The following MAGI2 variants were observed in gnomAD, a reference collection of about 807,000 sequenced individuals.
MAGI2 encodes membrane associated guanylate kinase, WW and PDZ domain containing 2.
In MAGI2, 35 loss-of-function variants were observed where a neutral mutation model predicts 133.3. The observed-to-expected ratio is 0.26, with a 90% CI of 0.20 to 0.35. The LOEUF (loss-of-function observed/expected upper bound fraction) is 0.35. MAGI2 is among the 10% of genes least tolerant of loss of function. The pLI is 1.00. For missense variants in MAGI2, 1,636 were observed against 1,863.4 expected (o/e 0.88, Z 2.25); for synonymous variants, 729 against 710.6 (o/e 1.03, Z -0.41).
At chr7:79,053,766 T>G (rs1371126401) in intron 1 of MAGI2, among the ~76,000 whole-genome samples, 2 of 152,162 alleles carry the variant, frequency 1.3e-5, no homozygotes, top group Non-Finnish European at 2.9e-5. Context: ...TAAGACAAAA[T>G]TATATTTATG....
intron 14 of MAGI2, among the ~76,000 whole-genome samples, chr7:78,174,304 GAACA>G (rs1374067230): frequency 1.3e-5 from 2 of 152,268 alleles, no homozygotes; most frequent in South Asian, 4.1e-4. Flanking sequence ...GTGTATTCCG[GAACA>G]AACAGAGAGC....
chr7:78,297,979 G>A (rs1215163602), intron 9 of MAGI2, among the ~76,000 whole-genome samples: 2 of 98,772 alleles, frequency 2.0e-5, no homozygotes, highest in East Asian at 4.3e-4. Context: ...AGAACTTAAA[G>A]TATAATTAAA....
At chr7:79,404,291 T>G (rs997631258) in intron 1 of MAGI2, among the ~76,000 whole-genome samples, 2 of 152,132 alleles carry the variant, frequency 1.3e-5, no homozygotes, top group African/African-American at 4.8e-5. Context: ...GTTCATAGGC[T>G]TCTGCATTAA....
intron 1 of MAGI2, among the ~76,000 whole-genome samples, chr7:79,259,627 A>G (rs1330406869): frequency 6.6e-6 from 1 of 152,194 alleles, no homozygotes; most frequent in Admixed American, 6.5e-5. Context: ...CAAGATAACA[A>G]TCTATGTGTA....
chr7:78,253,759 ATTAC>A (rs1792674646), intron 10 of MAGI2: 1 of 152,166 alleles, frequency 6.6e-6, no homozygotes. Context: ...CATGTACATT[ATTAC>A]TTTATAAATT....
chr7:78,346,378 G>C (rs1790906872), intron 7 of MAGI2, among the ~76,000 whole-genome samples: 1 of 152,188 alleles, frequency 6.6e-6, no homozygotes, highest in Non-Finnish European at 1.5e-5. Context: ...GTCAAGAAAT[G>C]AAATTTATAC....
chr7:79,387,462 T>C (rs1844273694), intron 1 of MAGI2, among the ~76,000 whole-genome samples: 3 of 152,090 alleles, frequency 2.0e-5, no homozygotes, highest in Admixed American at 1.3e-4. Flanking sequence ...GAAAGTAACA[T>C]TGTTTACTAT....
intron 1 of MAGI2, among the ~76,000 whole-genome samples, chr7:79,159,848 A>C (rs1342279018): frequency 1.3e-5 from 2 of 152,092 alleles, no homozygotes; most frequent in Non-Finnish European, 2.9e-5. Flanking sequence ...AAAAACAGGC[A>C]AATAAAGTAT....
At chr7:79,307,237 T>C (rs1340555051) in intron 1 of MAGI2, among the ~76,000 whole-genome samples, 3 of 152,202 alleles carry the variant, frequency 2.0e-5, no homozygotes, top group Non-Finnish European at 4.4e-5. Context: ...TATTAGCCAT[T>C]GTTCTCAAAA....
intron 3 of MAGI2, among the ~76,000 whole-genome samples, chr7:78,562,841 T>C (rs1010299881): frequency 3.9e-5 from 6 of 152,202 alleles, no homozygotes; most frequent in Non-Finnish European, 8.8e-5. Context: ...ATTCTTGGGA[T>C]TTATGTCTCT....
chr7:78,634,041 C>A (rs899907666), intron 2 of MAGI2, among the ~76,000 whole-genome samples: 1 of 152,038 alleles, frequency 6.6e-6, no homozygotes, highest in Non-Finnish European at 1.5e-5. Flanking sequence ...ATAATCAAAG[C>A]TTTAAATCAC....
chr7:78,594,363 T>A (rs1804363702), intron 3 of MAGI2, among the ~76,000 whole-genome samples: 1 of 152,244 alleles, frequency 6.6e-6, no homozygotes, highest in Admixed American at 6.5e-5. Context: ...CCAGTGACTT[T>A]ATACAAAGGC....
chr7:79,064,212 A>T (rs1297536680), intron 1 of MAGI2, among the ~76,000 whole-genome samples: 1 of 152,112 alleles, frequency 6.6e-6, no homozygotes, highest in Non-Finnish European at 1.5e-5. Context: ...CTGAAGATCT[A>T]GTGGTAAAAC....
intron 2 of MAGI2, among the ~76,000 whole-genome samples, chr7:78,709,954 A>T (rs12112639): frequency 0.098 from 14,978 of 152,116 alleles, 1,003 homozygotes; most frequent in East Asian, 0.2. Flanking sequence ...CAGTCTTTTC[A>T]TGACTCTTCT....
intron 15 of MAGI2, among the ~76,000 whole-genome samples, chr7:78,163,290 A>G (rs1178604938): frequency 6.6e-6 from 1 of 152,054 alleles, no homozygotes; most frequent in African/African-American, 2.4e-5. Context: ...GGCGTCCGCC[A>G]CCACGCCCGG....
At chr7:78,848,185 G>A (rs568529155) in intron 2 of MAGI2, among the ~76,000 whole-genome samples, 1 of 151,820 alleles carries the variant, frequency 6.6e-6, no homozygotes, top group African/African-American at 2.4e-5. Flanking sequence ...CAGAAAGTTT[G>A]ATTTGCCCTT....
chr7:78,019,860 C>T lies in MAGI2; in HGVS notation c.3823G>A (p.Asp1275Asn), dbSNP rs1808158534. Residue 1275 changes from aspartate to asparagine, a missense_variant, in exon 22 of 22, where the codon GAC becomes AAC. This residue lies in a region of MAGI2 where 354 missense variants were observed against 298.7 expected (regional missense o/e 1.19). Transcript: ENST00000354212. ...FSPSHPAPPS[D>N]PSHQISPGPT... Reference sequence around the variant, plus strand: ...CCTGGGCTTATCTGGTGGGAAGGGTCGGAGGGTGGGGCTGGATGTGATGGA... The same window carrying T: ...CCTGGGCTTATCTGGTGGGAAGGGTTGGAGGGTGGGGCTGGATGTGATGGA... The T allele has an allele frequency of 6.2e-7, 1 of 1,613,362 alleles. No individual in the cohort carries two copies. The highest frequency in any genetic ancestry group is 8.5e-7 in the Non-Finnish European group (1 of 1,179,852).
intron 1 of MAGI2, among the ~76,000 whole-genome samples, chr7:79,270,080 C>A (rs542063441): frequency 1.3e-5 from 2 of 152,094 alleles, no homozygotes; most frequent in African/African-American, 4.8e-5. Context: ...GGGCCTATGA[C>A]GCATGACTCA....
chr7:79,014,483 T>C (rs1246254771), intron 1 of MAGI2, among the ~76,000 whole-genome samples: 1 of 152,164 alleles, frequency 6.6e-6, no homozygotes, highest in Non-Finnish European at 1.5e-5. Context: ...AATAAGAGCA[T>C]ATATCCTATT....
Sources: allele counts gnomAD v4.1 joint callset (sites outside exome capture counted in the v4.1 genomes callset), GRCh38; gene constraint gnomAD v4.1.1; regional missense constraint gnomAD v4.1.1; transcripts MANE v1.5; gene names NCBI Gene and HGNC (gene_info 2026-07-23, HGNC 2026-07-21).